TMC1: variants seen among roughly 807,000 people sequenced by gnomAD.
TMC1 encodes transmembrane channel like 1.
In TMC1, 84 loss-of-function variants were observed where a neutral mutation model predicts 105.8. The observed-to-expected ratio is 0.79, with a 90% CI of 0.67 to 0.95. The LOEUF is 0.95. TMC1 is among the 40% of genes least tolerant of loss of function. The probability of loss-of-function intolerance (pLI) is 0.00; values close to 1 mark genes in which losing one functional copy is unlikely to be tolerated. For missense variants in TMC1, 817 were observed against 914.1 expected, an observed-to-expected ratio of 0.89 and a Z score of 1.37; for synonymous variants, 315 against 311.5, an observed-to-expected ratio of 1.01 and a Z score of -0.12.
intron 18 of TMC1, among the ~76,000 whole-genome samples, chr9:72,810,813 GATA>G (rs1178944145): frequency 1.3e-5 from 2 of 152,024 alleles, no homozygotes; most frequent in African/African-American, 4.8e-5. Context: ...TTATTCTTAT[GATA>G]ATAAGTGTTG....
intron 5 of TMC1, among the ~76,000 whole-genome samples, chr9:72,656,993 G>T (rs1283338692): frequency 6.6e-6 from 1 of 152,182 alleles, no homozygotes; most frequent in East Asian, 1.9e-4. Context: ...GTAAGGTCTG[G>T]ACACTGTTCT....
intron 4 of TMC1, among the ~76,000 whole-genome samples, chr9:72,637,002 T>C (rs370963901): frequency 2.0e-5 from 3 of 151,730 alleles, no homozygotes; most frequent in African/African-American, 4.8e-5. Flanking sequence ...AGTGCTGTTA[T>C]TGAGAAACCA....
intron 1 of TMC1, among the ~76,000 whole-genome samples, chr9:72,531,339 T>G (rs1248431620): frequency 6.6e-6 from 1 of 152,208 alleles, no homozygotes; most frequent in Non-Finnish European, 1.5e-5. Context: ...TGCTAGACAT[T>G]GTTTTTGGCA....
chr9:72,622,169 C>T (rs984673418), intron 3 of TMC1, among the ~76,000 whole-genome samples: 5 of 152,146 alleles, frequency 3.3e-5, no homozygotes, highest in African/African-American at 7.2e-5. Flanking sequence ...CTACCAGCAG[C>T]GATTTCAGAG....
chr9:72,649,155 A>T (rs1344094884), intron 5 of TMC1, among the ~76,000 whole-genome samples: 1 of 152,208 alleles, frequency 6.6e-6, no homozygotes. Flanking sequence ...CTATTGTTGT[A>T]GGATATTTAT....
chr9:72,820,868 T>C lies in TMC1; in HGVS notation c.1790T>C (p.Leu597Pro). Reference sequence around the variant, plus strand: ...ATGGGCTCCTTCTTTGCTCCCAGCCTCCCAGGCATCAATATCCTTCGACTC... The same window carrying C: ...ATGGGCTCCTTCTTTGCTCCCAGCCCCCCAGGCATCAATATCCTTCGACTC... ...IWMGSFFAPSLPGINILRLHT... is the reference protein window; with the variant it reads ...IWMGSFFAPSPPGINILRLHT... Residue 597 changes from leucine to proline, a missense_variant, in exon 20 of 24, where the codon CTC becomes CCC. Leu to Pro is a moderately conservative substitution (Grantham distance 98, BLOSUM62 -3). Transcript: ENST00000297784. The C allele has an allele frequency of 6.2e-7, 1 of 1,614,200 alleles. No individual in the cohort carries two copies. Among genetic ancestry groups the C allele is most frequent in the South Asian group, 1.1e-5 (1 of 91,078 alleles).
At chr9:72,627,361 G>A (rs77689421) in intron 3 of TMC1, among the ~76,000 whole-genome samples, 2 of 152,160 alleles carry the variant, frequency 1.3e-5, no homozygotes, top group East Asian at 3.9e-4. Flanking sequence ...TATCCCAGTG[G>A]GGGTCAAGGC....
intron 2 of TMC1, among the ~76,000 whole-genome samples, chr9:72,607,449 C>A (rs1824941319): frequency 6.7e-6 from 1 of 150,234 alleles, no homozygotes; most frequent in Admixed American, 6.6e-5. Flanking sequence ...GAAACCCCGT[C>A]TCTACTAAAA....
chr9:72,595,388 A>C (rs1020214580), intron 2 of TMC1, among the ~76,000 whole-genome samples: 5 of 152,122 alleles, frequency 3.3e-5, no homozygotes, highest in African/African-American at 7.2e-5. Context: ...TTGGTGGGGG[A>C]GTCACATAAC....
chr9:72,594,436 C>T (rs1211228508), intron 2 of TMC1, among the ~76,000 whole-genome samples: 1 of 152,164 alleles, frequency 6.6e-6, no homozygotes, highest in African/African-American at 2.4e-5. Context: ...TATTCTGGTA[C>T]AGGGAGGGCA....
intron 5 of TMC1, among the ~76,000 whole-genome samples, chr9:72,680,494 A>G (rs1382503906): frequency 6.6e-6 from 1 of 152,096 alleles, no homozygotes; most frequent in Non-Finnish European, 1.5e-5. Flanking sequence ...AAATGGATTT[A>G]TTCTAGTTAA....
chr9:72,793,815 G>A (rs912178447), intron 17 of TMC1, among the ~76,000 whole-genome samples: 8 of 152,108 alleles, frequency 5.3e-5, no homozygotes, highest in African/African-American at 1.9e-4. Context: ...TCCCCATATC[G>A]GCTCACCAGA....
intron 1 of TMC1, among the ~76,000 whole-genome samples, chr9:72,572,972 A>G (rs978789611): frequency 6.6e-6 from 1 of 152,180 alleles, no homozygotes; most frequent in African/African-American, 2.4e-5. Flanking sequence ...AACACAGGGG[A>G]CAGAGTGAGA....
At chr9:72,695,551 C>T (rs964726708) in intron 7 of TMC1, among the ~76,000 whole-genome samples, 3 of 152,054 alleles carry the variant, frequency 2.0e-5, no homozygotes, top group African/African-American at 7.2e-5. Flanking sequence ...CCATGCGAGT[C>T]GCCATCAGGT....
rs143252770 is a variant in TMC1, at chr9:72,539,494, G to A, written c.-428+17581G>A. 6.0e-3 allele frequency among the ~76,000 whole-genome samples: 873 copies of A among 144,454 alleles called. 7 individuals are homozygous for A. Among genetic ancestry groups the A allele is most frequent in the African/African-American group, 0.022 (836 of 38,640 alleles). The allele number at this position is 144,454 out of a possible 152,430, so 94.8% of individuals were successfully genotyped here. A position where few individuals can be genotyped will look rare whatever the true frequency, so the allele number is the denominator to read the frequency against. Reference sequence around the variant, plus strand: ...GCCTTCCACAAATCCATAGGGCATGGACACAACACAGCCAAGTTTTTTTTT... The same window carrying A: ...GCCTTCCACAAATCCATAGGGCATGAACACAACACAGCCAAGTTTTTTTTT... On this transcript the variant is annotated intron_variant, in intron 1 of 23. Transcript: ENST00000297784.
At chr9:72,816,510 A>T (rs1435422402) in intron 19 of TMC1, among the ~76,000 whole-genome samples, 1 of 152,198 alleles carries the variant, frequency 6.6e-6, no homozygotes, top group Admixed American at 6.5e-5. Flanking sequence ...ATCTAATATT[A>T]AAACATTAAT....
chr9:72,795,985 A>T (rs1034851382), intron 17 of TMC1, among the ~76,000 whole-genome samples: 3 of 152,146 alleles, frequency 2.0e-5, no homozygotes, highest in African/African-American at 7.2e-5. Context: ...AACAGAAAAA[A>T]ACATGGGTTA....
chr9:72,634,557 T>C (rs1200537505), intron 4 of TMC1, among the ~76,000 whole-genome samples: 5 of 152,190 alleles, frequency 3.3e-5, no homozygotes, highest in East Asian at 1.9e-4. Flanking sequence ...TTATCATCTT[T>C]GTTTTAAAGT....
intron 10 of TMC1, among the ~76,000 whole-genome samples, chr9:72,747,222 A>C (rs1564528344): frequency 6.6e-6 from 1 of 152,202 alleles, no homozygotes; most frequent in South Asian, 2.1e-4. Context: ...AGGATTCTAG[A>C]AAATACAAAT....
Sources: allele counts gnomAD v4.1 joint callset (sites outside exome capture counted in the v4.1 genomes callset), GRCh38; gene constraint gnomAD v4.1.1; transcripts MANE v1.5; gene names NCBI Gene and HGNC (gene_info 2026-07-23, HGNC 2026-07-21).